The following BAIAP2L1 variants were observed in gnomAD, a reference collection of about 807,000 sequenced individuals.
The protein encoded by BAIAP2L1 is BAR/IMD domain containing adaptor protein 2 like 1.
A neutral mutation model predicts 66.3 loss-of-function variants in BAIAP2L1; 35 were observed. The observed-to-expected ratio is 0.53, with a 90% CI of 0.40 to 0.70. The LOEUF (loss-of-function observed/expected upper bound fraction) is 0.70. Ranked by LOEUF, BAIAP2L1 falls within the 30% of genes least tolerant of loss-of-function variation. The pLI is 0.00. For missense variants in BAIAP2L1, 622 were observed against 656.9 expected (o/e 0.95, Z 0.58); for synonymous variants, 269 against 248.7 (o/e 1.08, Z -0.77).
chr7:98,375,390 T>C (rs1432218389), intron 1 of BAIAP2L1, among the ~76,000 whole-genome samples: 2 of 135,286 alleles, frequency 1.5e-5, no homozygotes, highest in African/African-American at 5.9e-5. Context: ...CAACACTCCA[T>C]CTTAAAAAAA....
chr7:98,325,107 A>G (rs1335126071), intron 3 of BAIAP2L1, among the ~76,000 whole-genome samples: 2 of 152,234 alleles, frequency 1.3e-5, no homozygotes, highest in Non-Finnish European at 2.9e-5. Flanking sequence ...ATTGGAGGCC[A>G]GGTGCAGTGG....
chr7:98,363,039 T>C (rs1384070371), intron 1 of BAIAP2L1, among the ~76,000 whole-genome samples: 2,761 of 143,096 alleles, frequency 0.019, 120 homozygotes, highest in African/African-American at 0.068. Context: ...TTTTTTTTTT[T>C]TTTTTTTTTT....
intron 3 of BAIAP2L1, among the ~76,000 whole-genome samples, chr7:98,324,330 AGT>A: frequency 6.6e-6 from 1 of 152,334 alleles, no homozygotes; most frequent in South Asian, 2.1e-4. Flanking sequence ...ATTCACACAG[AGT>A]GTTAGAGCTC....
chr7:98,397,602 C>T (rs971388704), intron 1 of BAIAP2L1, among the ~76,000 whole-genome samples: 1 of 152,122 alleles, frequency 6.6e-6, no homozygotes, highest in African/African-American at 2.4e-5. Context: ...GCTGGGATTA[C>T]AGGCGTGAGC....
At chr7:98,306,687 C>T (rs1389034245) in intron 10 of BAIAP2L1, 171 bp from the exon 11 acceptor site, 2 of 959,824 alleles carry the variant, frequency 2.1e-6, no homozygotes, top group South Asian at 1.7e-5. Flanking sequence ...CTTTCACATA[C>T]ACTGAACAAT....
intron 3 of BAIAP2L1, among the ~76,000 whole-genome samples, chr7:98,333,514 A>G (rs570363840): frequency 1.4e-4 from 21 of 152,118 alleles, no homozygotes; most frequent in African/African-American, 4.6e-4. Flanking sequence ...CAGGAGAATC[A>G]CTTCAACCTG....
Position 98,337,959 on chromosome 7 carries a change from GTTA to G in BAIAP2L1, c.214+17080_214+17082del, listed in dbSNP as rs375800506. Among the ~76,000 whole-genome samples, 7 of 152,144 alleles carry G rather than the reference GTTA, an allele frequency of 4.6e-5. No individual in the cohort carries two copies. In the East Asian group the frequency reaches 1.4e-3, roughly 30 times the overall value. ...CAAATATGTACAGCTAGCCTCTTGAGTTATTACAATGCCTATTTTACTGATTTT... is the reference window on the plus strand; with the variant it reads ...CAAATATGTACAGCTAGCCTCTTGAGTTACAATGCCTATTTTACTGATTTT... On this transcript the variant is annotated intron_variant, in intron 3 of 13. Transcript: ENST00000005260.
At position 98,293,577 on chromosome 7, in the gene BAIAP2L1, T is replaced by G. The variant is rs1450420227; in HGVS notation, c.1480A>C (p.Thr494Pro). Reference sequence around the variant, plus strand: ...GTCACAGTCGGGCGGAGTTTCACAGTGGCAAAGGGGTTTTCTCCGCTGCAG... The same window carrying G: ...GTCACAGTCGGGCGGAGTTTCACAGGGGCAAAGGGGTTTTCTCCGCTGCAG... ...PFLSGENPFA[T>P]VKLRPTVTND... The change falls in exon 14 of 14, where the codon ACT becomes CCT. Residue 494 changes from threonine to proline, a missense_variant. By Grantham distance (38) the Thr-to-Pro change is conservative. Coordinates refer to ENST00000005260, the MANE Select transcript of BAIAP2L1 (RefSeq NM_018842.5). 1 of 1,613,694 alleles carries G rather than the reference T, an allele frequency of 6.2e-7. No individual in the cohort carries two copies. Among genetic ancestry groups the G allele is most frequent in the Non-Finnish European group, 8.5e-7 (1 of 1,179,862 alleles).
At chr7:98,397,711 G>C (rs1387166231) in intron 1 of BAIAP2L1, among the ~76,000 whole-genome samples, 2 of 152,088 alleles carry the variant, frequency 1.3e-5, no homozygotes, top group African/African-American at 2.4e-5. Context: ...TCTACCATGA[G>C]AGCATATACT....
intron 3 of BAIAP2L1, among the ~76,000 whole-genome samples, chr7:98,321,770 G>A (rs1050985107): frequency 6.6e-6 from 1 of 152,072 alleles, no homozygotes; most frequent in Non-Finnish European, 1.5e-5. Flanking sequence ...AAGATGTGCC[G>A]GCGGACCATC....
At chr7:98,293,796 G>A (rs960532872) in intron 13 of BAIAP2L1, among the ~76,000 whole-genome samples, 200 bp from the exon 14 acceptor site, 1 of 152,220 alleles carries the variant, frequency 6.6e-6, no homozygotes, top group Admixed American at 6.5e-5. Flanking sequence ...GCTGCAGAAC[G>A]ATCCCAGGTT....
chr7:98,383,601 TAA>T (rs1362565721), intron 1 of BAIAP2L1, among the ~76,000 whole-genome samples: 1 of 152,060 alleles, frequency 6.6e-6, no homozygotes, highest in Admixed American at 6.6e-5. Context: ...CTTTCAGTCT[TAA>T]AAGTAACATT....
rs542216303 is a variant in BAIAP2L1, at chr7:98,373,603, CA to C, written c.52-11172del. 2.7e-3 allele frequency among the ~76,000 whole-genome samples: 410 copies of C among 152,258 alleles called. 2 individuals are homozygous for C. The highest frequency in any genetic ancestry group is 9.4e-3 in the African/African-American group (389 of 41,546). ...GTCTCTTCCTGTCTACAATGGGAAT[CA>C]TGATACTTTCTAGCTCATGAGGGGC... On this transcript the variant is annotated intron_variant, in intron 1 of 13. Coordinates refer to ENST00000005260, the MANE Select transcript of BAIAP2L1 (RefSeq NM_018842.5).
chr7:98,396,484 C>T (rs1803211559), intron 1 of BAIAP2L1, among the ~76,000 whole-genome samples: 1 of 152,164 alleles, frequency 6.6e-6, no homozygotes, highest in African/African-American at 2.4e-5. Context: ...TCGGTTTGTG[C>T]ATCTTTGGTC....
chr7:98,307,403 C>A lies in BAIAP2L1; in HGVS notation c.1163+286G>T, dbSNP rs977464552. 16 of 1,246,194 alleles carry A rather than the reference C, an allele frequency of 1.3e-5. No homozygotes were observed. In the African/African-American group the frequency reaches 2.2e-4, roughly 17 times the overall value. 77.2% of individuals were successfully genotyped at this position (1,246,194 alleles called of 1,614,324 possible). A position where few individuals can be genotyped will look rare whatever the true frequency, so the allele number is the denominator to read the frequency against. ...TTACAAGCATGAGCCACTGCACTGG[C>A]CAAATGCTAAATTTTTTTTAAAAAC... is the stretch of plus-strand genomic sequence containing the variant. On this transcript the variant is annotated intron_variant, in intron 10 of 13. Coordinates refer to ENST00000005260, the MANE Select transcript of BAIAP2L1 (RefSeq NM_018842.5).
intron 1 of BAIAP2L1, among the ~76,000 whole-genome samples, chr7:98,371,793 G>GTTTTTTTTT (rs1802515378): frequency 6.7e-6 from 1 of 148,650 alleles, no homozygotes; most frequent in East Asian, 2.0e-4. Flanking sequence ...TTCTCTTTTA[G>GTTTTTTTTT]TTTCTTTTTT....
intron 6 of BAIAP2L1, among the ~76,000 whole-genome samples, chr7:98,315,827 A>C (rs1203624411): frequency 1.3e-5 from 2 of 152,204 alleles, no homozygotes; most frequent in Admixed American, 6.5e-5. Context: ...GAAGTTGCCC[A>C]AGGGCTTGAC....
At chr7:98,376,775 T>C (rs1020364963) in intron 1 of BAIAP2L1, among the ~76,000 whole-genome samples, 1 of 151,584 alleles carries the variant, frequency 6.6e-6, no homozygotes. Flanking sequence ...CAGGTTGCGG[T>C]GAGCTGAGAT....
At chr7:98,381,556 G>C (rs1473235542) in intron 1 of BAIAP2L1, among the ~76,000 whole-genome samples, 1 of 152,156 alleles carries the variant, frequency 6.6e-6, no homozygotes, top group African/African-American at 2.4e-5. Flanking sequence ...AGAGTCCTGG[G>C]AGCACCTATG....
Sources: allele counts gnomAD v4.1 joint callset (sites outside exome capture counted in the v4.1 genomes callset), GRCh38; gene constraint gnomAD v4.1.1; transcripts MANE v1.5; gene names NCBI Gene and HGNC (gene_info 2026-07-23, HGNC 2026-07-21).